DDIT4L: variants seen among roughly 807,000 people sequenced by gnomAD.
DDIT4L encodes DNA damage inducible transcript 4 like.
In DDIT4L, 13 loss-of-function variants were observed where a neutral mutation model predicts 15.9. The observed-to-expected ratio is 0.82, with a 90% CI of 0.53 to 1.30. The LOEUF (loss-of-function observed/expected upper bound fraction) is 1.30, where lower values mean the gene tolerates loss of function less well. Among genes scored for constraint, DDIT4L ranks in the 50% most tolerant of loss-of-function variants. DDIT4L has a pLI of 0.00. For synonymous variants in DDIT4L, 82 were observed against 85.4 expected (o/e 0.96, Z 0.22); for missense variants, 235 against 224.8 (o/e 1.05, Z -0.29).
At chr4:100,189,170 A>C (rs1412315693) in intron 2 of DDIT4L, among the ~76,000 whole-genome samples, 4 of 152,244 alleles carry the variant, frequency 2.6e-5, no homozygotes, top group Non-Finnish European at 5.9e-5. Flanking sequence ...GAAGAGCTTA[A>C]GCAGTTTATC....
rs376338276 is a variant in DDIT4L at position 100,187,729 on chromosome 4, A to G, written c.530T>C (p.Val177Ala). The change falls in exon 3 of 3, where the codon GTT becomes GCT. Residue 177 changes from valine (V) to alanine (A), a missense_variant. Transcript: ENST00000273990. ...AATCAGTGAGTAAAGTTTTTTCTTA[A>G]CAAGTCGAAATCCTGAGCTGAGGAT... Reference protein sequence around the residue: ...TLILSSGFRLVKKKLYSLIGT... With the variant: ...TLILSSGFRLAKKKLYSLIGT... 6.8e-6 allele frequency: 11 copies of G among 1,609,856 alleles called. No homozygotes were observed. In the African/African-American group the frequency reaches 1.5e-4, roughly 22 times the overall value.
In DDIT4L at chr4:100,190,304, T is replaced by A; in HGVS notation, c.-51A>T. ...CACCAAGGCCGCAGCTTCGCTCACC[T>A]GCCAGGAGTTCGCGGGGGCCTGCGC... On this transcript the variant is annotated splice_region_variant and 5_prime_UTR_variant, in exon 1 of 3. Transcript: ENST00000273990. The A allele has an allele frequency of 3.0e-6, 1 of 338,268 alleles. No homozygotes were observed. Among genetic ancestry groups the A allele is most frequent in the Non-Finnish European group, 5.5e-6 (1 of 183,076 alleles). The allele number at this position is 338,268 out of a possible 1,614,324, so 21.0% of individuals were successfully genotyped here. A position where few individuals can be genotyped will look rare whatever the true frequency, so the allele number is the denominator to read the frequency against.
intron 2 of DDIT4L, among the ~76,000 whole-genome samples, chr4:100,188,967 C>A (rs1042967383): frequency 5.9e-5 from 9 of 152,206 alleles, no homozygotes; most frequent in African/African-American, 2.2e-4. Flanking sequence ...CAAATTAATC[C>A]TACCCCTTGG....
rs1489226067 is a variant in DDIT4L at position 100,189,961 on chromosome 4, C to T, written c.23G>A (p.Ser8Asn). 3 of 1,614,156 alleles carry T rather than the reference C, an allele frequency of 1.9e-6. No individual in the cohort carries two copies. The highest frequency in any genetic ancestry group is 2.5e-6 in the Non-Finnish European group (3 of 1,180,026). Residue 8 changes from serine to asparagine, a missense_variant, in exon 2 of 3, where the codon AGC becomes AAC. By Grantham distance (46) the Ser-to-Asn change is conservative. Transcript: ENST00000273990. Reference sequence around the variant, plus strand: ...TGAAATGCTGGCCGGGTTCTTGCTGCTCAAACTGCCAGTTGCAACCATGGT... The same window carrying T: ...TGAAATGCTGGCCGGGTTCTTGCTGTTCAAACTGCCAGTTGCAACCATGGT... MVATGSL[S>N]SKNPASISEL...
chr4:100,190,113 G>A (rs1009153026), intron 1 of DDIT4L, 81 bp from the exon 2 acceptor site: 12 of 790,070 alleles, frequency 1.5e-5, no homozygotes, highest in African/African-American at 1.2e-4. Flanking sequence ...CCGGCGTCCC[G>A]GGAGCGAACT....
At position 100,190,287 on chromosome 4, in the gene DDIT4L, C is replaced by T; in HGVS notation, c.-50+16G>A. The T allele has an allele frequency of 7.9e-6, 3 of 380,544 alleles. No homozygotes were observed. The South Asian group carries it at 8.6e-5, about 11-fold the overall frequency. 23.6% of individuals were successfully genotyped at this position (380,544 alleles called of 1,614,324 possible). On this transcript the variant is annotated intron_variant, in intron 1 of 2. Transcript: ENST00000273990. ...CCCGGCCCCGCTGCCCCCACCAAGG[C>T]CGCAGCTTCGCTCACCTGCCAGGAG...
rs1419942215 is a variant in DDIT4L at position 100,188,008 on chromosome 4, A to C, written c.251T>G (p.Leu84Arg). 6 of 1,614,194 alleles carry C rather than the reference A, an allele frequency of 3.7e-6. No homozygotes were observed. The highest frequency in any genetic ancestry group is 3.3e-5 in the South Asian group (3 of 91,072). Reference sequence around the variant, plus strand: ...GACATCTTGAGCAATTCTCTGGGTCAGTTTCTCAGGGACAAGGACCTTTGA... The same window carrying C: ...GACATCTTGAGCAATTCTCTGGGTCCGTTTCTCAGGGACAAGGACCTTTGA... The part of the protein sequence containing the change: ...GCSKVLVPEK[L>R]TQRIAQDVLR... Residue 84 changes from leucine to arginine, a missense_variant, in exon 3 of 3, where the codon CTG (leucine) becomes CGG (arginine). Leu to Arg is a moderately radical substitution (Grantham distance 102, BLOSUM62 -2). Coordinates refer to ENST00000273990, the MANE Select transcript of DDIT4L (RefSeq NM_145244.4).
chr4:100,187,493 C>A lies in DDIT4L; in HGVS notation c.*184G>T. 1 of 621,870 alleles carries A rather than the reference C, an allele frequency of 1.6e-6. No individual in the cohort carries two copies. Among genetic ancestry groups the A allele is most frequent in the Non-Finnish European group, 2.6e-6 (1 of 390,760 alleles). The allele number at this position is 621,870 out of a possible 1,614,324, so 38.5% of individuals were successfully genotyped here. ...AAATCTACACTATTTTGAATCACTTCTCCAAAGGCCAGAAAATCAGCCTGT... is the reference window on the plus strand; with the variant it reads ...AAATCTACACTATTTTGAATCACTTATCCAAAGGCCAGAAAATCAGCCTGT... On this transcript the variant is annotated 3_prime_UTR_variant, in exon 3 of 3. Coordinates refer to ENST00000273990, the MANE Select transcript of DDIT4L (RefSeq NM_145244.4).
chr4:100,188,027 C>T lies in DDIT4L; in HGVS notation c.232G>A (p.Val78Ile), dbSNP rs1723451773. 1.2e-6 allele frequency: 2 copies of T among 1,614,176 alleles called. No homozygotes were observed. Among genetic ancestry groups the T allele is most frequent in the Middle Eastern group, 1.6e-4 (1 of 6,062 alleles). ...SKQTKLGCSK[V>I]LVPEKLTQRI... ...TGGGTCAGTTTCTCAGGGACAAGGA[C>T]CTTTGAGCAACCAAGTTTAGTTTGC... is the stretch of plus-strand genomic sequence containing the variant. Residue 78 changes from valine (V) to isoleucine (I), a missense_variant, in exon 3 of 3, where the codon GTC becomes ATC. By Grantham distance (29) the Val-to-Ile change is conservative. Transcript: ENST00000273990.
In DDIT4L at chr4:100,188,026, A is replaced by G; in HGVS notation, c.233T>C (p.Val78Ala). Reference sequence around the variant, plus strand: ...CTGGGTCAGTTTCTCAGGGACAAGGACCTTTGAGCAACCAAGTTTAGTTTG... The same window carrying G: ...CTGGGTCAGTTTCTCAGGGACAAGGGCCTTTGAGCAACCAAGTTTAGTTTG... Reference protein sequence around the residue: ...SKQTKLGCSKVLVPEKLTQRI... With the variant: ...SKQTKLGCSKALVPEKLTQRI... The change falls in exon 3 of 3, where the codon GTC becomes GCC. Residue 78 changes from valine to alanine, a missense_variant. Coordinates refer to ENST00000273990, the MANE Select transcript of DDIT4L (RefSeq NM_145244.4). 6.2e-7 allele frequency: 1 copy of G among 1,614,168 alleles called. No homozygotes were observed. The highest frequency in any genetic ancestry group is 2.2e-5 in the East Asian group (1 of 44,886).
Position 100,187,549 on chromosome 4 carries a change from GAAAGA to G in DDIT4L, c.*123_*127del. 1.9e-6 allele frequency: 2 copies of G among 1,066,952 alleles called. No individual in the cohort carries two copies. The highest frequency in any genetic ancestry group is 2.6e-6 in the Non-Finnish European group (2 of 775,704). 66.1% of individuals were successfully genotyped at this position (1,066,952 alleles called of 1,614,324 possible). A position where few individuals can be genotyped will look rare whatever the true frequency, so the allele number is the denominator to read the frequency against. Reference sequence around the variant, plus strand: ...GCAGTTGCTATGAATGTGAAACACAGAAAGAAAAGAGACTACATTTGGGGTTTCTT... The same window carrying G: ...GCAGTTGCTATGAATGTGAAACACAGAAAGAGACTACATTTGGGGTTTCTT... On this transcript the variant is annotated 3_prime_UTR_variant, in exon 3 of 3. Transcript: ENST00000273990.
rs769873021 is a variant in DDIT4L, at chr4:100,188,159, A to G, written c.100T>C (p.Tyr34His). ...GGTTCAGGAACAACATAATCCCAGT[A>G]GTCAAAATCTGTAAGAAATGGAGTT... ...HPESLLSDFDYWDYVVPEPNL... is the reference protein window; with the variant it reads ...HPESLLSDFDHWDYVVPEPNL... Residue 34 changes from tyrosine to histidine, a missense_variant, in exon 3 of 3, where the codon TAC becomes CAC. By Grantham distance (83) the Tyr-to-His change is moderately conservative. Transcript: ENST00000273990. 1 of 1,593,806 alleles carries G rather than the reference A, an allele frequency of 6.3e-7. No individual in the cohort carries two copies. The highest frequency in any genetic ancestry group is 1.2e-5 in the South Asian group (1 of 86,530).
chr4:100,188,239 T>C (rs1723456755), intron 2 of DDIT4L, 72 bp from the exon 3 acceptor site: 2 of 1,451,166 alleles, frequency 1.4e-6, no homozygotes, highest in South Asian at 2.5e-5. Context: ...CACCAAGATA[T>C]CAACATTGGT....
intron 2 of DDIT4L, among the ~76,000 whole-genome samples, chr4:100,188,912 G>A (rs1663743773): frequency 6.6e-6 from 1 of 152,130 alleles, no homozygotes; most frequent in Admixed American, 6.5e-5. Context: ...AAATTAGCTG[G>A]GCTCAAAGGA....
Position 100,187,946 on chromosome 4 carries a change from C to G in DDIT4L, c.313G>C (p.Gly105Arg), listed in dbSNP as rs1723449139. Residue 105 changes from glycine to arginine, a missense_variant, in exon 3 of 3, where the codon GGT becomes CGT. Transcript: ENST00000273990. ...TCCAAGTTCACGTGCATAACACAAC[C>G]TCGCAAGCCGCAGGGCTCCGTTGAG... ...LSSTEPCGLRGCVMHVNLEIE... is the reference protein window; with the variant it reads ...LSSTEPCGLRRCVMHVNLEIE... 2 of 1,614,124 alleles carry G rather than the reference C, an allele frequency of 1.2e-6. No individual in the cohort carries two copies. The highest frequency in any genetic ancestry group is 2.7e-5 in the African/African-American group (2 of 75,038).
chr4:100,190,077 G>T, intron 1 of DDIT4L, 45 bp from the exon 2 acceptor site: 1 of 1,188,502 alleles, frequency 8.4e-7, no homozygotes, highest in Non-Finnish European at 1.2e-6. Flanking sequence ...AAAAGCAGGC[G>T]AGTCGTGCAG....
At position 100,186,034 on chromosome 4, in the gene DDIT4L, C is replaced by G. The variant is rs1053225; in HGVS notation, c.*1643G>C. On this transcript the variant is annotated 3_prime_UTR_variant, in exon 3 of 3. Transcript: ENST00000273990. Reference sequence around the variant, plus strand: ...GGGAAAAGGACAACAGTTCTACATCCATGCCCAAGAAGCCTTGCCCAGTCA... The same window carrying G: ...GGGAAAAGGACAACAGTTCTACATCGATGCCCAAGAAGCCTTGCCCAGTCA... 0.49 allele frequency: 74,179 copies of G among 152,046 alleles called. 18,506 individuals are homozygous for G. Among genetic ancestry groups the G allele is most frequent in the East Asian group, 0.71 (3,674 of 5,174 alleles). 9.4% of individuals were successfully genotyped at this position (152,046 alleles called of 1,614,324 possible). A position where few individuals can be genotyped will look rare whatever the true frequency, so the allele number is the denominator to read the frequency against.
intron 2 of DDIT4L, 25 bp downstream of exon 2, chr4:100,189,868 A>T (rs1424206841): frequency 1.2e-6 from 2 of 1,610,092 alleles, no homozygotes; most frequent in African/African-American, 2.7e-5. Context: ...GGGAGGGGAG[A>T]AGGGTGGACA....
rs990727436 is a variant in DDIT4L, at chr4:100,186,755, G to A, written c.*922C>T. 6.6e-6 allele frequency: 1 copy of A among 152,182 alleles called. No homozygotes were observed. The highest frequency in any genetic ancestry group is 1.5e-5 in the Non-Finnish European group (1 of 68,052). The allele number at this position is 152,182 out of a possible 1,614,324, so 9.4% of individuals were successfully genotyped here. A position where few individuals can be genotyped will look rare whatever the true frequency, so the allele number is the denominator to read the frequency against. On this transcript the variant is annotated 3_prime_UTR_variant, in exon 3 of 3. Transcript: ENST00000273990. ...AAAAGCCCAGAGATGAGATAACACT[G>A]CCATGGTGAAATGGTTCATCTGAGA...
Sources: allele counts gnomAD v4.1 joint callset (sites outside exome capture counted in the v4.1 genomes callset), GRCh38; gene constraint gnomAD v4.1.1; transcripts MANE v1.5; gene names NCBI Gene and HGNC (gene_info 2026-07-23, HGNC 2026-07-21).